The following LRP8 variants were observed in gnomAD, a reference collection of about 807,000 sequenced individuals.
LRP8 encodes the protein LDL receptor related protein 8, also known as low-density lipoprotein receptor-related protein 8.
LRP8 carries 46 observed loss-of-function variants against 111.6 expected under a neutral mutation model. That is an observed-to-expected ratio of 0.41 (90% CI 0.33 to 0.53). LRP8 has a LOEUF of 0.53. Ranked by LOEUF, LRP8 falls within the 20% of genes least tolerant of loss-of-function variation. The pLI is 0.20. For synonymous variants in LRP8, 464 were observed against 511.2 expected (o/e 0.91, Z 1.24); for missense variants, 959 against 1,297.4 (o/e 0.74, Z 4.01).
chr1:53,269,334 T>A (rs2100401404), intron 8 of LRP8, among the ~76,000 whole-genome samples: 1 of 151,858 alleles, frequency 6.6e-6, no homozygotes, highest in Non-Finnish European at 1.5e-5. Context: ...TTTTTTTTTT[T>A]AGAAAAGGTC....
chr1:53,300,991 AGT>A (rs1363245988), intron 2 of LRP8, among the ~76,000 whole-genome samples: 1 of 151,814 alleles, frequency 6.6e-6, no homozygotes, highest in Non-Finnish European at 1.5e-5. Context: ...ACAAGGTGAG[AGT>A]GAAAGGGACA....
intron 1 of LRP8, 190 bp from the exon 2 acceptor site, chr1:53,327,182 C>A: frequency 1.4e-6 from 1 of 718,798 alleles, no homozygotes; most frequent in South Asian, 1.9e-5. Flanking sequence ...TCGGGCCGCT[C>A]GGTGGCACGG....
At chr1:53,257,212 T>C in intron 15 of LRP8, 28 bp downstream of exon 15, 1 of 1,609,240 alleles carries the variant, frequency 6.2e-7, no homozygotes, top group Non-Finnish European at 8.5e-7. Context: ...TCCCATGTCA[T>C]GAAAGAATGC....
At chr1:53,310,033 A>G (rs1021558408) in intron 2 of LRP8, among the ~76,000 whole-genome samples, 34 of 152,052 alleles carry the variant, frequency 2.2e-4, no homozygotes, top group African/African-American at 8.0e-4. Flanking sequence ...CTTTCCTGTC[A>G]GTTTAGCGGC....
At chr1:53,257,104 C>T in intron 15 of LRP8, 136 bp downstream of exon 15, 1 of 795,350 alleles carries the variant, frequency 1.3e-6, no homozygotes, top group Non-Finnish European at 2.0e-6. Flanking sequence ...CTCTACCTCC[C>T]TCTCAGATAT....
chr1:53,269,109 G>T (rs1214851652), intron 8 of LRP8, among the ~76,000 whole-genome samples: 6 of 152,156 alleles, frequency 3.9e-5, no homozygotes. Context: ...CCTTTGGGCT[G>T]CCCCAAGCCA....
chr1:53,287,314 C>T (rs1055405282), intron 3 of LRP8, among the ~76,000 whole-genome samples: 1 of 152,206 alleles, frequency 6.6e-6, no homozygotes, highest in Admixed American at 6.5e-5. Flanking sequence ...GGCAGTCTTC[C>T]GCCTTGCCTA....
In LRP8 at chr1:53,271,287, T is replaced by C. The variant is rs143464327; in HGVS notation, c.1066A>G (p.Ile356Val). The C allele has an allele frequency of 3.4e-4, 546 of 1,613,720 alleles. 4 individuals carry two copies. The African/African-American group carries it at 3.4e-3, about 10-fold the overall frequency. The change falls in exon 7 of 19, where the codon ATT becomes GTT. Residue 356 changes from isoleucine (I) to valine (V), a missense_variant. Ile to Val is a conservative substitution (Grantham distance 29, BLOSUM62 3). This residue lies in a region of LRP8 where 819 missense variants were observed against 1,097.6 expected (regional missense o/e 0.75). Transcript: ENST00000306052. ...GCTGGGCACGTGCATTCAAAGCCAATCTTGAGGTCAGTGCAGATGTGTGAG... is the reference window on the plus strand; with the variant it reads ...GCTGGGCACGTGCATTCAAAGCCAACCTTGAGGTCAGTGCAGATGTGTGAG... ...GCSHICTDLKIGFECTCPAGF... is the reference protein window; with the variant it reads ...GCSHICTDLKVGFECTCPAGF...
rs563977082 is a variant in LRP8 at position 53,266,841 on chromosome 1, T to C, written c.1253-194A>G. The stretch of plus-strand genomic sequence containing the variant: ...AGCAGAAGATGCAGAGCACCACGCA[T>C]AGCAGGAAGATTCTTATTCTTTTTA... On this transcript the variant is annotated intron_variant, in intron 8 of 18. Transcript: ENST00000306052. The surrounding 1 kb of genome is among the most constrained non-coding windows in gnomAD (Gnocchi z 5.0). The C allele has an allele frequency of 1.0e-5, 6 of 575,650 alleles. No individual in the cohort carries two copies. Among genetic ancestry groups the C allele is most frequent in the South Asian group, 8.8e-5 (4 of 45,594 alleles). The allele number at this position is 575,650 out of a possible 1,614,324, so 35.7% of individuals were successfully genotyped here.
Position 53,265,688 on chromosome 1 carries a change from T to C in LRP8, c.1427+785A>G, listed in dbSNP as rs115646477. Among the ~76,000 whole-genome samples, 1,443 of 152,308 alleles carry C rather than the reference T, an allele frequency of 9.5e-3. 25 individuals carry two copies. Among genetic ancestry groups the C allele is most frequent in the African/African-American group, 0.032 (1,312 of 41,568 alleles). ...AGGCAGGAATCTAGTTGTCAGTGAG[T>C]AGCACTTGCTATATTTGCTTCCATC... On this transcript the variant is annotated intron_variant, in intron 9 of 18. Transcript: ENST00000306052.
At chr1:53,256,013 G>A (rs947308954) in intron 15 of LRP8, among the ~76,000 whole-genome samples, 1 of 152,204 alleles carries the variant, frequency 6.6e-6, no homozygotes, top group Admixed American at 6.5e-5. Flanking sequence ...AAAGTGCTTG[G>A]AAAATTTACT....
chr1:53,304,046 G>T (rs1651488801), intron 2 of LRP8, among the ~76,000 whole-genome samples: 1 of 152,198 alleles, frequency 6.6e-6, no homozygotes, highest in Admixed American at 6.5e-5. Flanking sequence ...GCTGGTGATA[G>T]GTTTCGGTGG....
chr1:53,266,039 T>C lies in LRP8; in HGVS notation c.1427+434A>G, dbSNP rs1424833951. ...GTGGGTTCGGAGGCCTCCTCTGTAC[T>C]TTCTCATGATCATCACAAATGGATG... On this transcript the variant is annotated intron_variant, in intron 9 of 18. Transcript: ENST00000306052. This position sits in a 1 kb window ranked among gnomAD's most constrained non-coding sequence, Gnocchi z 5.0. Among the ~76,000 whole-genome samples the C allele has an allele frequency of 6.6e-6, 1 of 151,318 alleles. No homozygotes were observed. The highest frequency in any genetic ancestry group is 2.4e-5 in the African/African-American group (1 of 41,292).
intron 2 of LRP8, among the ~76,000 whole-genome samples, chr1:53,323,399 G>T (rs767881835): frequency 1.6e-4 from 25 of 152,250 alleles, no homozygotes; most frequent in Non-Finnish European, 3.2e-4. Context: ...CGGCGCTATG[G>T]TTACTGTTGT....
Position 53,276,677 on chromosome 1 carries a change from A to G in LRP8, c.883+15T>C. 6.5e-7 allele frequency: 1 copy of G among 1,526,904 alleles called. No homozygotes were observed. The highest frequency in any genetic ancestry group is 8.8e-7 in the Non-Finnish European group (1 of 1,139,856). 94.6% of individuals were successfully genotyped at this position (1,526,904 alleles called of 1,614,324 possible). ...CAATCCCTGGGCGGGGCTGGGCGGT[A>G]TGGAGGGGGCTTACGGCAGTCGGCC... is the stretch of plus-strand genomic sequence containing the variant. On this transcript the variant is annotated intron_variant, in intron 5 of 18. Transcript: ENST00000306052.
In LRP8 at chr1:53,277,061, A is replaced by G; in HGVS notation, c.514T>C (p.Phe172Leu). ...GCATLCAPHE[F>L]QCGNRSCLAA... ...AGGCACGAGCGGTTGCCGCACTGGA[A>G]CTCGTGCGGGGCGCACACTGCGCGG... Residue 172 changes from phenylalanine to leucine, a missense_variant, in exon 5 of 19, where the codon TTC becomes CTC. Transcript: ENST00000306052. The G allele has an allele frequency of 6.6e-7, 1 of 1,522,594 alleles. No homozygotes were observed. Among genetic ancestry groups the G allele is most frequent in the Non-Finnish European group, 8.8e-7 (1 of 1,140,446 alleles). The allele number at this position is 1,522,594 out of a possible 1,614,324, so 94.3% of individuals were successfully genotyped here.
At chr1:53,255,241 T>G in intron 15 of LRP8, 56 bp from the exon 16 acceptor site, 1 of 1,525,260 alleles carries the variant, frequency 6.6e-7, no homozygotes, top group Admixed American at 1.7e-5. Flanking sequence ...TCCAAGCCCC[T>G]ACTGGCCTCA....
At chr1:53,322,439 A>G (rs1654633407) in intron 2 of LRP8, among the ~76,000 whole-genome samples, 2 of 152,174 alleles carry the variant, frequency 1.3e-5, no homozygotes, top group South Asian at 4.1e-4. Flanking sequence ...GGTGTCCGGC[A>G]GGAGGAATAG....
At chr1:53,313,286 C>T (rs1379774390) in intron 2 of LRP8, among the ~76,000 whole-genome samples, 1 of 152,176 alleles carries the variant, frequency 6.6e-6, no homozygotes, top group Non-Finnish European at 1.5e-5. Context: ...GAGCTGGGAC[C>T]CAAAGGCTCC....
Sources: allele counts gnomAD v4.1 joint callset (sites outside exome capture counted in the v4.1 genomes callset), GRCh38; gene constraint gnomAD v4.1.1; regional missense constraint gnomAD v4.1.1; non-coding constraint Gnocchi (gnomAD v3.1); transcripts MANE v1.5; gene names NCBI Gene and HGNC (gene_info 2026-07-23, HGNC 2026-07-21).